SPATA9: variants seen among roughly 807,000 people sequenced by gnomAD.
The protein encoded by SPATA9 is spermatogenesis-associated protein 9.
Under a neutral mutation model 25.5 loss-of-function variants are expected in SPATA9, and 27 were observed. The ratio of observed to expected loss-of-function variants is 1.06; its 90% confidence interval spans 0.78 to 1.46. The LOEUF (loss-of-function observed/expected upper bound fraction) is 1.46. Among genes scored for constraint, SPATA9 ranks in the 40% most tolerant of loss-of-function variants. SPATA9 has a pLI of 0.00. For missense variants in SPATA9, 282 were observed against 297.5 expected, an observed-to-expected ratio of 0.95 and a Z score of 0.38; for synonymous variants, 102 against 105.7, an observed-to-expected ratio of 0.97 and a Z score of 0.21.
At chr5:95,684,766 C>T (rs746375802), upstream of SPATA9, 2 of 152,132 alleles carry the variant, frequency 1.3e-5, no homozygotes, top group Non-Finnish European at 2.9e-5. Context: ...TAAACTTAGA[C>T]AAAAGAACCC....
In SPATA9 at chr5:95,653,185, T is replaced by C. The variant is rs574881450; in HGVS notation, c.*472A>G. ...TGCATTTTGGGCATTTCAGCTCAGC[T>C]GTCATCTCAGTGACCAGTTTTTATC... On this transcript the variant is annotated 3_prime_UTR_variant and NMD_transcript_variant, in exon 9 of 9. Transcript: ENST00000316087. The C allele has an allele frequency of 5.2e-6, 8 of 1,551,780 alleles. No homozygotes were observed. The East Asian group carries it at 1.7e-4, about 33-fold the overall frequency.
chr5:95,669,430 CTT>C (rs1752145388), intron 3 of SPATA9, among the ~76,000 whole-genome samples: 2 of 152,254 alleles, frequency 1.3e-5, no homozygotes, highest in Middle Eastern at 3.4e-3. Context: ...AAGGAAGAAA[CTT>C]TACATAGGTA....
At chr5:95,660,820 C>T (rs1224930256) in intron 4 of SPATA9, among the ~76,000 whole-genome samples, 2 of 152,196 alleles carry the variant, frequency 1.3e-5, no homozygotes, top group Admixed American at 1.3e-4. Context: ...TCTTCTCTAT[C>T]AATTATTCCT....
At chr5:95,722,824 A>G in the SPATA9 span, among the ~76,000 whole-genome samples, 1 of 152,264 alleles carries the variant, frequency 6.6e-6, no homozygotes, top group Non-Finnish European at 1.5e-5. Flanking sequence ...ATAACAGAGC[A>G]GGCATATTAA....
downstream of SPATA9, chr5:95,652,467 G>A: frequency 9.0e-7 from 1 of 1,115,594 alleles, no homozygotes; most frequent in East Asian, 2.6e-5. Context: ...AACTCAATAT[G>A]TGTAAAATAT....
intron 3 of SPATA9, among the ~76,000 whole-genome samples, chr5:95,669,415 G>GTTAC (rs1449736035): frequency 1.3e-5 from 2 of 152,082 alleles, no homozygotes; most frequent in Non-Finnish European, 2.9e-5. Context: ...CTTAGAGGGT[G>GTTAC]GGGTAAGGAA....
At chr5:95,679,885 A>T (rs1753277075) in intron 2 of SPATA9, among the ~76,000 whole-genome samples, 1 of 152,188 alleles carries the variant, frequency 6.6e-6, no homozygotes, top group South Asian at 2.1e-4. Context: ...AAGAATGCAT[A>T]TCAGTTAACT....
upstream of SPATA9, among the ~76,000 whole-genome samples, chr5:95,686,308 T>C (rs1167471833): frequency 1.2e-4 from 19 of 152,202 alleles, no homozygotes; most frequent in Non-Finnish European, 1.5e-5. Flanking sequence ...ATTCTATATT[T>C]AACTATGTAG....
chr5:95,711,433 G>A, the SPATA9 span, among the ~76,000 whole-genome samples: 1 of 152,138 alleles, frequency 6.6e-6, no homozygotes, highest in African/African-American at 2.4e-5. Context: ...GCAGGATTTT[G>A]GGTTTTCCAA....
chr5:95,731,321 AGCAGCG>A, the SPATA9 span: 6 of 1,074,956 alleles, frequency 5.6e-6, no homozygotes, highest in African/African-American at 1.7e-5. Context: ...GAGGAGGAGG[AGCAGCG>A]GCAGCGGCAG....
At chr5:95,724,537 A>T in the SPATA9 span, among the ~76,000 whole-genome samples, 1 of 152,214 alleles carries the variant, frequency 6.6e-6, no homozygotes, top group East Asian at 1.9e-4. Context: ...GTAAGGGCAC[A>T]GACCCTGGGG....
chr5:95,701,396 A>T (rs190681807), upstream of SPATA9: 2 of 151,940 alleles, frequency 1.3e-5, no homozygotes, highest in African/African-American at 4.8e-5. Context: ...AAATAAACTA[A>T]TCCATAGTTG....
intron 3 of SPATA9, among the ~76,000 whole-genome samples, chr5:95,666,196 GT>G (rs757851999): frequency 5.3e-5 from 8 of 152,200 alleles, no homozygotes; most frequent in Non-Finnish European, 7.3e-5. Context: ...TAGCTGATAA[GT>G]AGCAAAGTGA....
At chr5:95,732,008 C>T in the SPATA9 span, 70 of 1,614,182 alleles carry the variant, frequency 4.3e-5, 2 homozygotes, top group South Asian at 7.6e-4. Context: ...AGCACGGTCG[C>T]GCGTCCGGTG....
chr5:95,652,245 A>G, downstream of SPATA9: 2 of 1,546,084 alleles, frequency 1.3e-6, no homozygotes, highest in Non-Finnish European at 8.7e-7. Flanking sequence ...TTGCCTCTCT[A>G]CAACCTCTCT....
upstream of SPATA9, among the ~76,000 whole-genome samples, chr5:95,685,519 A>G (rs1330081845): frequency 6.6e-6 from 1 of 152,214 alleles, no homozygotes; most frequent in Non-Finnish European, 1.5e-5. Flanking sequence ...TAAACAGATC[A>G]GTTCTGTTGG....
chr5:95,684,548 C>T (rs1472427561), upstream of SPATA9: 1 of 152,228 alleles, frequency 6.6e-6, no homozygotes, highest in African/African-American at 2.4e-5. Flanking sequence ...GCATAAGCAA[C>T]TCTTTGTGTT....
At chr5:95,670,776 C>T (rs1050299859) in intron 3 of SPATA9, 5 of 887,368 alleles carry the variant, frequency 5.6e-6, no homozygotes, top group Non-Finnish European at 6.8e-6. Context: ...GGATGCACTC[C>T]ATTTACAGAC....
chr5:95,659,685 CAGCAAA>C (rs1486722461), intron 4 of SPATA9: 1 of 152,138 alleles, frequency 6.6e-6, no homozygotes, highest in Non-Finnish European at 1.5e-5. Context: ...AAAGAGGTAA[CAGCAAA>C]AGGATTGAGG....
Sources: gnomAD v4.1 joint callset for allele counts (sites outside exome capture counted in the v4.1 genomes callset) on GRCh38, gnomAD v4.1.1 for gene constraint, MANE v1.5 for transcripts, NCBI Gene and HGNC (gene_info 2026-07-23, HGNC 2026-07-21) for gene names.